TLE6: variants seen among roughly 807,000 people sequenced by gnomAD.
TLE6 encodes the protein TLE family member 6, subcortical maternal complex member.
Under a neutral mutation model 77.1 loss-of-function variants are expected in TLE6, and 72 were observed. The observed-to-expected ratio is 0.93, with a 90% CI of 0.77 to 1.14. The LOEUF is 1.14. Among genes scored for constraint, TLE6 ranks in the 50% most tolerant of loss-of-function variants. The probability of loss-of-function intolerance (pLI) is 0.00; values close to 1 mark genes in which losing one functional copy is unlikely to be tolerated. For missense variants in TLE6, 843 were observed against 747.6 expected, an observed-to-expected ratio of 1.13 and a Z score of -1.49; for synonymous variants, 366 against 287.3, an observed-to-expected ratio of 1.27 and a Z score of -2.77.
At chr19:2,978,366 G>T in intron 2 of TLE6, 82 bp downstream of exon 2, 1 of 1,434,246 alleles carries the variant, frequency 7.0e-7, no homozygotes, top group Non-Finnish European at 9.6e-7. Context: ...CCTGTGACCT[G>T]GGCTGGCCCC....
At chr19:2,980,349 C>T in intron 3 of TLE6, 167 bp downstream of exon 3, 1 of 469,782 alleles carries the variant, frequency 2.1e-6, no homozygotes, top group Non-Finnish European at 3.8e-6. Flanking sequence ...AATACCCATC[C>T]CAGCTTTTGA....
chr19:2,988,221 CAGAGGTGTAAGACTT>C (rs1568214614), intron 11 of TLE6, 93 bp downstream of exon 11: 36 of 1,315,760 alleles, frequency 2.7e-5, no homozygotes, highest in Non-Finnish European at 1.2e-5. Flanking sequence ...TAGAGGGGAA[CAGAGGTGTAAGACTT>C]TCTTCCCCTT....
At chr19:2,994,813 A>G in intron 16 of TLE6, 87 bp from the exon 17 acceptor site, 1 of 717,644 alleles carries the variant, frequency 1.4e-6, no homozygotes, top group Non-Finnish European at 2.3e-6. Context: ...TTCTTTGAAG[A>G]GACGATGCTT....
intron 5 of TLE6, chr19:2,984,396 G>T (rs536907327): frequency 1.6e-5 from 2 of 128,208 alleles, no homozygotes; most frequent in African/African-American, 5.6e-5. Context: ...CCCTCCCTCC[G>T]CCGTCCTGCT....
chr19:2,988,187 G>A (rs981176650), intron 11 of TLE6, 59 bp downstream of exon 11: 1 of 1,507,234 alleles, frequency 6.6e-7, no homozygotes, highest in Non-Finnish European at 9.0e-7. Flanking sequence ...ATTCCTTCCT[G>A]TCTATACCTC....
chr19:2,983,985 C>T (rs1291516102), intron 5 of TLE6: 1 of 152,212 alleles, frequency 6.6e-6, no homozygotes, highest in Non-Finnish European at 1.5e-5. Context: ...GCCCAGCCCC[C>T]ACTGCAGGGG....
Position 2,987,725 on chromosome 19 carries a change from G to A in TLE6, c.560G>A (p.Gly187Glu). 6 of 1,614,118 alleles carry A rather than the reference G, an allele frequency of 3.7e-6. No individual in the cohort carries two copies. The highest frequency in any genetic ancestry group is 5.1e-6 in the Non-Finnish European group (6 of 1,180,022). ...TGATGAGACTTTTCCATTTTCCAGGGGCAGGAAAGCAAGGCACCAGGATCC... is the reference window on the plus strand; with the variant it reads ...TGATGAGACTTTTCCATTTTCCAGGAGCAGGAAAGCAAGGCACCAGGATCC... Reference protein sequence around the residue: ...PRDRQQAPGLGQESKAPGSCD... With the variant: ...PRDRQQAPGLEQESKAPGSCD... The change falls in exon 9 of 17, where the codon GGG (glycine) becomes GAG (glutamate). Residue 187 changes from glycine (G) to glutamate (E), a missense_variant and splice_region_variant. Gly to Glu is a moderately conservative substitution (Grantham distance 98). Transcript: ENST00000246112.
intron 13 of TLE6, among the ~76,000 whole-genome samples, chr19:2,990,104 A>G (rs1262210109): frequency 6.6e-6 from 1 of 152,122 alleles, no homozygotes; most frequent in Non-Finnish European, 1.5e-5. Flanking sequence ...TGTTGTAAAA[A>G]TATAAAACAG....
At position 2,990,951 on chromosome 19, in the gene TLE6, T is replaced by TG. The variant is rs1015868939; in HGVS notation, c.1245-891dup. ...CGGAGTTTGTGGTGAGCCAAGATGG[T>TG]GCCACTGCACTCCAGCCTGGGTCAC... On this transcript the variant is annotated intron_variant, in intron 13 of 16. Coordinates refer to ENST00000246112, the MANE Select transcript of TLE6 (RefSeq NM_001143986.2). Among the ~76,000 whole-genome samples the TG allele has an allele frequency of 1.1e-3, 162 of 149,378 alleles. 3 individuals carry two copies. Among genetic ancestry groups the TG allele is most frequent in the Admixed American group, 7.4e-4 (11 of 14,898 alleles).
chr19:2,987,297 T>C, intron 7 of TLE6, 59 bp downstream of exon 7: 1 of 1,614,192 alleles, frequency 6.2e-7, no homozygotes, highest in African/African-American at 1.3e-5. Flanking sequence ...TCAGGGGCTG[T>C]GCAGTGAACC....
At chr19:2,989,822 C>T (rs1308554445) in intron 13 of TLE6, 37 bp downstream of exon 13, 2 of 1,606,206 alleles carry the variant, frequency 1.2e-6, no homozygotes, top group Admixed American at 3.3e-5. Flanking sequence ...GCATCCTGTG[C>T]CAGCCTCCTG....
In TLE6 at chr19:2,986,814, C is replaced by T. The variant is rs369921583; in HGVS notation, c.223-15C>T. On this transcript the variant is annotated splice_polypyrimidine_tract_variant and intron_variant, in intron 5 of 16. Coordinates refer to ENST00000246112, the MANE Select transcript of TLE6 (RefSeq NM_001143986.2). ...GCAACAACATTTAACTGTTTTGCTG[C>T]CAACCTCCTTCTAGATAGGAAACGT... The T allele has an allele frequency of 1.3e-6, 2 of 1,551,370 alleles. No individual in the cohort carries two copies. The highest frequency in any genetic ancestry group is 2.7e-5 in the African/African-American group (2 of 73,038).
chr19:2,985,104 G>A (rs1388597721), intron 5 of TLE6, among the ~76,000 whole-genome samples: 1 of 151,786 alleles, frequency 6.6e-6, no homozygotes, highest in Non-Finnish European at 1.5e-5. Context: ...TACAAAATTA[G>A]CTGGGCATGG....
At chr19:2,992,848 A>G (rs1235960816) in intron 14 of TLE6, among the ~76,000 whole-genome samples, 2 of 134,006 alleles carry the variant, frequency 1.5e-5, no homozygotes, top group Admixed American at 7.6e-5. Context: ...GAAAAAAGGT[A>G]GTGGTTCTAA....
At chr19:2,983,670 G>T (rs929104804) in intron 5 of TLE6, among the ~76,000 whole-genome samples, 3 of 151,688 alleles carry the variant, frequency 2.0e-5, no homozygotes, top group African/African-American at 4.9e-5. Context: ...CTTCAGGGAG[G>T]ACTTGGGCTT....
chr19:2,984,745 G>A (rs1218357774), intron 5 of TLE6, among the ~76,000 whole-genome samples: 3 of 152,066 alleles, frequency 2.0e-5, no homozygotes, highest in African/African-American at 7.2e-5. Context: ...TGGGATTACC[G>A]GTGTGAGCCA....
chr19:2,984,787 C>T (rs1451399913), intron 5 of TLE6, among the ~76,000 whole-genome samples: 1 of 151,992 alleles, frequency 6.6e-6, no homozygotes, highest in Non-Finnish European at 1.5e-5. Flanking sequence ...ATACTTTGAA[C>T]ATGGCTACTA....
Position 2,986,646 on chromosome 19 carries a change from G to A in TLE6, c.223-183G>A, listed in dbSNP as rs772215262. Among the ~76,000 whole-genome samples, 13 of 151,146 alleles carry A rather than the reference G, an allele frequency of 8.6e-5. No homozygotes were observed. In the East Asian group the frequency reaches 1.6e-3, roughly 18 times the overall value. On this transcript the variant is annotated intron_variant, in intron 5 of 16. Coordinates refer to ENST00000246112, the MANE Select transcript of TLE6 (RefSeq NM_001143986.2). Reference sequence around the variant, plus strand: ...GGAGAACCACTTGAACCTGGGAGGCGGAGGTTGCAGTGAGCCGAGATTGCA... The same window carrying A: ...GGAGAACCACTTGAACCTGGGAGGCAGAGGTTGCAGTGAGCCGAGATTGCA...
At position 2,991,947 on chromosome 19, in the gene TLE6, C is replaced by G. The variant is rs753259755; in HGVS notation, c.1349C>G (p.Thr450Ser). The G allele has an allele frequency of 1.1e-5, 18 of 1,613,752 alleles. No homozygotes were observed. Among genetic ancestry groups the G allele is most frequent in the Non-Finnish European group, 1.5e-5 (18 of 1,179,988 alleles). ...TGTCTGCGGTGCTGGGACCAGAGGA[C>G]CATCATGAAACCTCTGGAGTACCAA... is the stretch of plus-strand genomic sequence containing the variant. ...DACLRCWDQR[T>S]IMKPLEYQFK... The change falls in exon 14 of 17, where the codon ACC becomes AGC. Residue 450 changes from threonine (T) to serine (S), a missense_variant. By Grantham distance (58) the Thr-to-Ser change is moderately conservative. Coordinates refer to ENST00000246112, the MANE Select transcript of TLE6 (RefSeq NM_001143986.2).
Sources: gnomAD v4.1 joint callset for allele counts (sites outside exome capture counted in the v4.1 genomes callset) on GRCh38, gnomAD v4.1.1 for gene constraint, MANE v1.5 for transcripts, NCBI Gene and HGNC (gene_info 2026-07-23, HGNC 2026-07-21) for gene names.